WFDC3: variants seen among roughly 807,000 people sequenced by gnomAD.
WFDC3 encodes WAP four-disulfide core domain protein 3.
In WFDC3, 15 loss-of-function variants were observed where a neutral mutation model predicts 25.8. The ratio of observed to expected loss-of-function variants is 0.58; its 90% CI spans 0.39 to 0.89. The LOEUF (loss-of-function observed/expected upper bound fraction) is 0.89. Among genes scored for constraint, WFDC3 ranks in the 40% least tolerant of loss-of-function variants. The pLI is 0.00. For missense variants in WFDC3, 264 were observed against 289.8 expected (o/e 0.91, Z 0.65); for synonymous variants, 103 against 107.1 (o/e 0.96, Z 0.24).
At chr20:45,776,362 C>T (rs1402320088) in intron 5 of WFDC3, among the ~76,000 whole-genome samples, 1 of 141,282 alleles carries the variant, frequency 7.1e-6, no homozygotes, top group African/African-American at 2.6e-5. Flanking sequence ...AATTCCAGCA[C>T]TTTGGGAGGC....
At chr20:45,791,465 TTTTATA>T (rs946764931) in intron 1 of WFDC3, among the ~76,000 whole-genome samples, 2 of 151,620 alleles carry the variant, frequency 1.3e-5, no homozygotes, top group Non-Finnish European at 2.9e-5. Context: ...CCCGGCTAAT[TTTTATA>T]TTTTTAGTAG....
chr20:45,774,266 C>T lies in WFDC3; in HGVS notation c.*162G>A, dbSNP rs1254737426. ...AGCACCACACACCCACTACCCAATC[C>T]AGGGCTATTTCCCATGCTCTGGTCA... On this transcript the variant is annotated 3_prime_UTR_variant, in exon 7 of 7. Coordinates refer to ENST00000243938, the MANE Select transcript of WFDC3 (RefSeq NM_080614.2). The T allele has an allele frequency of 2.3e-5, 22 of 939,416 alleles. No individual in the cohort carries two copies. Among genetic ancestry groups the T allele is most frequent in the Admixed American group, 8.0e-5 (4 of 50,168 alleles). 58.2% of individuals were successfully genotyped at this position (939,416 alleles called of 1,614,324 possible).
intron 5 of WFDC3, among the ~76,000 whole-genome samples, chr20:45,776,656 A>ATGTGTG (rs1482229487): frequency 1.6e-3 from 171 of 104,916 alleles, no homozygotes; most frequent in African/African-American, 5.8e-3. Flanking sequence ...ATATATATAT[A>ATGTGTG]TATATGTGTG....
intron 4 of WFDC3, among the ~76,000 whole-genome samples, chr20:45,778,449 T>A (rs1321759063): frequency 6.6e-6 from 1 of 152,268 alleles, no homozygotes; most frequent in African/African-American, 2.4e-5. Flanking sequence ...CCAAGTTTAT[T>A]CTGAGAGGCA....
chr20:45,789,677 C>A (rs1980857891), intron 2 of WFDC3, among the ~76,000 whole-genome samples: 1 of 152,032 alleles, frequency 6.6e-6, no homozygotes, highest in Non-Finnish European at 1.5e-5. Context: ...TCTAGTAAGC[C>A]CAACTGGAAG....
intron 4 of WFDC3, 29 bp downstream of exon 4, chr20:45,787,807 C>T: frequency 6.3e-7 from 1 of 1,595,562 alleles, no homozygotes; most frequent in Non-Finnish European, 8.5e-7. Flanking sequence ...ACCAAACAGA[C>T]CATGAGGTGT....
At chr20:45,778,208 T>A (rs551120360) in intron 4 of WFDC3, among the ~76,000 whole-genome samples, 9 of 152,184 alleles carry the variant, frequency 5.9e-5, no homozygotes, top group Non-Finnish European at 1.2e-4. Flanking sequence ...AGATGCCCCA[T>A]GGAGACAGAA....
In WFDC3 at chr20:45,788,974, G is replaced by A. The variant is rs1259704146; in HGVS notation, c.168C>T (p.Cys56=). 6.2e-7 allele frequency: 1 copy of A among 1,613,730 alleles called. No homozygotes were observed. Among genetic ancestry groups the A allele is most frequent in the Admixed American group, 1.7e-5 (1 of 59,912 alleles). The change falls in exon 3 of 7, where the codon TGC becomes TGT. Residue 56 remains cysteine (C), a synonymous_variant. Transcript: ENST00000243938. ...AGATCCGACCACAGCCTGTGGTGCA[G>A]CACTTCTGTTCAGCCGGACACAATT... ...GDELCPAEQK[C]CTTGCGRICR... is the part of the protein sequence containing the mutation.
chr20:45,787,769 T>C (rs1294906519), intron 4 of WFDC3, 67 bp downstream of exon 4: 13 of 1,516,176 alleles, frequency 8.6e-6, no homozygotes, highest in Non-Finnish European at 1.1e-5. Flanking sequence ...CAAGCTGATA[T>C]GTGCATATTT....
intron 4 of WFDC3, among the ~76,000 whole-genome samples, chr20:45,782,435 T>C (rs1432169890): frequency 6.6e-6 from 1 of 152,002 alleles, no homozygotes; most frequent in East Asian, 1.9e-4. Flanking sequence ...TGGAGTGCAG[T>C]GGTGCGATCT....
chr20:45,789,123 T>A, intron 2 of WFDC3, 64 bp from the exon 3 acceptor site: 1 of 1,594,796 alleles, frequency 6.3e-7, no homozygotes, highest in South Asian at 1.1e-5. Context: ...GAATGGACCT[T>A]CAGCCCCTCC....
chr20:45,776,176 A>G (rs545530980), intron 5 of WFDC3, among the ~76,000 whole-genome samples: 1 of 152,218 alleles, frequency 6.6e-6, no homozygotes, highest in South Asian at 2.1e-4. Flanking sequence ...CACAAGGGTC[A>G]ATGATTCTTT....
chr20:45,781,322 CAAGAAG>C (rs1980436520), intron 4 of WFDC3, among the ~76,000 whole-genome samples: 1 of 152,106 alleles, frequency 6.6e-6, no homozygotes, highest in Admixed American at 6.6e-5. Flanking sequence ...ACACAAAAAC[CAAGAAG>C]CACTGGGACT....
At chr20:45,781,091 A>T (rs1038813076) in intron 4 of WFDC3, among the ~76,000 whole-genome samples, 26 of 151,934 alleles carry the variant, frequency 1.7e-4, no homozygotes, top group Middle Eastern at 3.4e-3. Context: ...AATACAAAAA[A>T]AAAAAAAAAA....
At chr20:45,791,003 C>T in intron 1 of WFDC3, 1 of 463,366 alleles carries the variant, frequency 2.2e-6, no homozygotes, top group South Asian at 1.5e-5. Flanking sequence ...AGCTGTGATA[C>T]CTAATGGTGT....
chr20:45,774,369 C>T lies in WFDC3; in HGVS notation c.*59G>A, dbSNP rs1945899608. 2 of 1,613,606 alleles carry T rather than the reference C, an allele frequency of 1.2e-6. No individual in the cohort carries two copies. Among genetic ancestry groups the T allele is most frequent in the Non-Finnish European group, 1.7e-6 (2 of 1,179,572 alleles). ...CACAAGCCCCAGGATGTCACCCTCT[C>T]TTGACTGCCAGGAAAAGCTTCCAGA... On this transcript the variant is annotated 3_prime_UTR_variant, in exon 7 of 7. Transcript: ENST00000243938.
rs2474120 is a variant in WFDC3, at chr20:45,790,540, C to T, written c.-7-558G>A. Among the ~76,000 whole-genome samples the T allele has an allele frequency of 3.6e-3, 553 of 152,346 alleles. 7 individuals are homozygous for T. Among genetic ancestry groups the T allele is most frequent in the African/African-American group, 0.013 (526 of 41,578 alleles). ...AGGAGTTTGAGACCAGCCTGGCCAA[C>T]ATGGCGAAACCCTGTCTCTACTAAA... On this transcript the variant is annotated intron_variant, in intron 1 of 6. Transcript: ENST00000243938.
At chr20:45,779,587 G>A (rs1398828006) in intron 4 of WFDC3, among the ~76,000 whole-genome samples, 1 of 152,064 alleles carries the variant, frequency 6.6e-6, no homozygotes, top group Non-Finnish European at 1.5e-5. Flanking sequence ...CCACCTGCTT[G>A]ACAAACACTG....
chr20:45,776,324 C>T (rs1251605323), intron 5 of WFDC3, among the ~76,000 whole-genome samples: 2 of 37,420 alleles, frequency 5.3e-5, no homozygotes, highest in Non-Finnish European at 7.5e-5. Context: ...GTGTGTGTTT[C>T]CAGCTGGGCG....
Sources: allele counts gnomAD v4.1 joint callset (sites outside exome capture counted in the v4.1 genomes callset), GRCh38; gene constraint gnomAD v4.1.1; transcripts MANE v1.5; gene names NCBI Gene and HGNC (gene_info 2026-07-23, HGNC 2026-07-21).